Variants in SFI1 observed in about 807,000 individuals in gnomAD.
SFI1 encodes SFI1 centrin binding protein.
SFI1 carries 195 observed loss-of-function variants against 207.5 expected under a neutral mutation model. That is an observed-to-expected ratio of 0.94 (90% CI 0.84 to 1.06). The LOEUF is 1.06. SFI1 is among the 50% of genes least tolerant of loss of function. The probability of loss-of-function intolerance (pLI) is 0.00; values close to 1 mark genes in which losing one functional copy is unlikely to be tolerated. For missense variants in SFI1, 1,634 were observed against 1,588.0 expected, an observed-to-expected ratio of 1.03 and a Z score of -0.49; for synonymous variants, 630 against 598.9, an observed-to-expected ratio of 1.05 and a Z score of -0.76.
intron 31 of SFI1, 146 bp from the exon 32 acceptor site, chr22:31,617,969 G>A: frequency 1.2e-6 from 1 of 825,374 alleles, no homozygotes; most frequent in Non-Finnish European, 1.8e-6. Context: ...CCAAGCAGGG[G>A]CCTGCAGTTC....
At chr22:31,599,557 C>G (rs1225005915) in intron 15 of SFI1, among the ~76,000 whole-genome samples, 1 of 152,218 alleles carries the variant, frequency 6.6e-6, no homozygotes, top group Non-Finnish European at 1.5e-5. Flanking sequence ...GTCTCCATCT[C>G]TTGACCTCGT....
At chr22:31,611,443 G>GCAGCTTTGTCT in intron 23 of SFI1, 140 bp downstream of exon 23, 1 of 1,137,734 alleles carries the variant, frequency 8.8e-7, no homozygotes, top group Non-Finnish European at 1.2e-6. Context: ...TTGGGGTCCT[G>GCAGCTTTGTCT]TAAGACAAAG....
At chr22:31,564,339 A>AG (rs2145551725) in intron 8 of SFI1, among the ~76,000 whole-genome samples, 1 of 151,810 alleles carries the variant, frequency 6.6e-6, no homozygotes, top group East Asian at 1.9e-4. Context: ...AAAAAAAAAA[A>AG]AAAAATTAGC....
Position 31,546,871 on chromosome 22 carries a change from G to T in SFI1, c.349G>T (p.Glu117Ter). ...VFPSKARFYYEQRLLRKVFEE... is the reference protein window; with the variant it reads ...VFPSKARFYY Reference sequence around the variant, plus strand: ...TTTTTTTTGCCGTAGATTTTACTATGAGCAGCGATTACTACGGAAGGTCTT... The same window carrying T: ...TTTTTTTTGCCGTAGATTTTACTATTAGCAGCGATTACTACGGAAGGTCTT... Residue 117 changes from glutamate (E) to a stop codon, truncating the protein, a stop_gained, in exon 5 of 33, where the codon GAG becomes TAG. Coordinates refer to ENST00000400288, the MANE Select transcript of SFI1 (RefSeq NM_001007467.3). LOFTEE classifies it high-confidence loss of function. 1.2e-6 allele frequency: 2 copies of T among 1,600,380 alleles called. No individual in the cohort carries two copies. The highest frequency in any genetic ancestry group is 2.3e-5 in the South Asian group (2 of 88,272).
At chr22:31,572,156 A>T (rs1569343823) in intron 8 of SFI1, among the ~76,000 whole-genome samples, 2 of 152,286 alleles carry the variant, frequency 1.3e-5, no homozygotes, top group African/African-American at 4.8e-5. Context: ...GGTGGACCTT[A>T]AGGAAATTTC....
intron 7 of SFI1, chr22:31,559,464 C>G (rs749942574): frequency 6.6e-6 from 3 of 454,448 alleles, no homozygotes; most frequent in Non-Finnish European, 1.2e-5. Context: ...GCCTACACAC[C>G]GCCAGTTGTG....
intron 8 of SFI1, among the ~76,000 whole-genome samples, chr22:31,561,743 A>G (rs2061725225): frequency 6.6e-6 from 1 of 152,222 alleles, no homozygotes; most frequent in Non-Finnish European, 1.5e-5. Context: ...CAGAAAAGAA[A>G]CTTAAGACTG....
At chr22:31,559,610 G>A in intron 7 of SFI1, 1 of 684,352 alleles carries the variant, frequency 1.5e-6, no homozygotes, top group East Asian at 2.8e-5. Flanking sequence ...TACACTCATA[G>A]TGTTGAGGAA....
At chr22:31,594,308 G>A (rs192168921) in intron 15 of SFI1, among the ~76,000 whole-genome samples, 1 of 152,226 alleles carries the variant, frequency 6.6e-6, no homozygotes, top group African/African-American at 2.4e-5. Flanking sequence ...CCAGCACTTT[G>A]GGAGGCCGGA....
intron 7 of SFI1, chr22:31,559,600 T>C: frequency 1.5e-6 from 1 of 671,226 alleles, no homozygotes; most frequent in East Asian, 2.9e-5. Context: ...GGGTTGACAG[T>C]ACACTCATAG....
chr22:31,511,466 T>A (rs1185249884), intron 2 of SFI1, among the ~76,000 whole-genome samples: 2 of 44,864 alleles, frequency 4.5e-5, no homozygotes, highest in African/African-American at 1.6e-4. Context: ...TAGTTTCTGT[T>A]TTTTTTTTTT....
chr22:31,551,260 C>G (rs938843011), intron 6 of SFI1, among the ~76,000 whole-genome samples: 1 of 152,178 alleles, frequency 6.6e-6, no homozygotes, highest in African/African-American at 2.4e-5. Context: ...GTATGTCGTA[C>G]AAGGTCTTCA....
chr22:31,602,177 G>A (rs908130147), intron 15 of SFI1, 35 bp from the exon 16 acceptor site: 1 of 1,559,134 alleles, frequency 6.4e-7, no homozygotes, highest in African/African-American at 1.4e-5. Flanking sequence ...TTTTATGTTT[G>A]TTTTAAGTGC....
In SFI1 at chr22:31,613,027, A is replaced by G; in HGVS notation, c.2491-115A>G. The G allele has an allele frequency of 2.9e-6, 3 of 1,045,644 alleles. No homozygotes were observed. The South Asian group carries it at 4.5e-5, about 16-fold the overall frequency. 64.8% of individuals were successfully genotyped at this position (1,045,644 alleles called of 1,614,324 possible). Reference sequence around the variant, plus strand: ...AAGGCTGGCCCTTCCTAGTGGAGGAAGTGGGAGCCTCGACTAGAGAGGGAG... The same window carrying G: ...AAGGCTGGCCCTTCCTAGTGGAGGAGGTGGGAGCCTCGACTAGAGAGGGAG... On this transcript the variant is annotated intron_variant, in intron 24 of 32. Coordinates refer to ENST00000400288, the MANE Select transcript of SFI1 (RefSeq NM_001007467.3).
rs1367287010 is a variant in SFI1 at position 31,568,223 on chromosome 22, TATA to T, written c.766-4834_766-4832del. Among the ~76,000 whole-genome samples, 46 of 127,816 alleles carry T rather than the reference TATA, an allele frequency of 3.6e-4. 1 individual carries two copies. Among genetic ancestry groups the T allele is most frequent in the East Asian group, 1.7e-3 (8 of 4,598 alleles). The allele number at this position is 127,816 out of a possible 152,430, so 83.9% of individuals were successfully genotyped here. On this transcript the variant is annotated intron_variant, in intron 8 of 32. Coordinates refer to ENST00000400288, the MANE Select transcript of SFI1 (RefSeq NM_001007467.3). ...GTGTGTGTGTGTGTATATATATATA[TATA>T]TTTTTTTTTTTTTACCATAAATGCA...
intron 8 of SFI1, among the ~76,000 whole-genome samples, chr22:31,564,687 C>T (rs975392994): frequency 1.4e-4 from 21 of 150,710 alleles, no homozygotes; most frequent in Non-Finnish European, 2.8e-4. Flanking sequence ...TTTTTTTTTC[C>T]CTTGTGGAGT....
chr22:31,512,108 C>A (rs1012098418), intron 2 of SFI1, among the ~76,000 whole-genome samples: 3 of 152,138 alleles, frequency 2.0e-5, no homozygotes, highest in Non-Finnish European at 4.4e-5. Flanking sequence ...GTAATCCCCA[C>A]ACTTTGGGAG....
intron 1 of SFI1, among the ~76,000 whole-genome samples, chr22:31,507,312 T>C (rs538881534): frequency 1.4e-4 from 21 of 152,242 alleles, no homozygotes; most frequent in African/African-American, 4.8e-4. Flanking sequence ...TATTCAAATA[T>C]TGAAGCTGGA....
At chr22:31,503,900 T>C (rs2054227577) in intron 1 of SFI1, among the ~76,000 whole-genome samples, 1 of 142,962 alleles carries the variant, frequency 7.0e-6, no homozygotes, top group Non-Finnish European at 1.6e-5. Context: ...TGTTTTGTAT[T>C]TGATTATCAT....
Sources: gnomAD v4.1 joint callset for allele counts (sites outside exome capture counted in the v4.1 genomes callset) on GRCh38, gnomAD v4.1.1 for gene constraint, MANE v1.5 for transcripts, NCBI Gene and HGNC (gene_info 2026-07-23, HGNC 2026-07-21) for gene names.